The following DAB2IP variants were observed in gnomAD, a reference collection of about 807,000 sequenced individuals.
The protein encoded by DAB2IP is disabled homolog 2-interacting protein.
In DAB2IP, 28 loss-of-function variants were observed where a neutral mutation model predicts 107.2. The observed-to-expected ratio is 0.26, with a 90% CI of 0.19 to 0.36. DAB2IP has a LOEUF of 0.36. Among genes scored for constraint, DAB2IP ranks in the 10% least tolerant of loss-of-function variants. The probability of loss-of-function intolerance (pLI) is 1.00; values close to 1 mark genes in which losing one functional copy is unlikely to be tolerated. For synonymous variants in DAB2IP, 755 were observed against 706.4 expected, an observed-to-expected ratio of 1.07 and a Z score of -1.09; for missense variants, 1,400 against 1,644.7, an observed-to-expected ratio of 0.85 and a Z score of 2.57.
chr9:121,569,751 G>A (rs1829890322), intron 1 of DAB2IP, among the ~76,000 whole-genome samples: 1 of 152,226 alleles, frequency 6.6e-6, no homozygotes, highest in Non-Finnish European at 1.5e-5. Flanking sequence ...AACTCGGGAG[G>A]CAAAAGCTAC....
intron 1 of DAB2IP, among the ~76,000 whole-genome samples, chr9:121,601,894 G>A (rs948968432): frequency 6.6e-6 from 1 of 151,580 alleles, no homozygotes; most frequent in Non-Finnish European, 1.5e-5. Flanking sequence ...CTTTGTGTGT[G>A]TGTGTGTGTG....
chr9:121,723,476 A>G (rs1260160042), intron 3 of DAB2IP, among the ~76,000 whole-genome samples: 1 of 152,220 alleles, frequency 6.6e-6, no homozygotes, highest in African/African-American at 2.4e-5. Context: ...CCTGCTGCTC[A>G]GAACAAGGGA....
chr9:121,567,206 T>C (rs1411718113), exon 1 of DAB2IP: 13 of 1,614,044 alleles, frequency 8.1e-6, no homozygotes, highest in Non-Finnish European at 1.1e-5. Context: ...CCGACTCCCT[T>C]CTGGACCAAG....
intron 1 of DAB2IP, among the ~76,000 whole-genome samples, chr9:121,603,169 G>A (rs1259375515): frequency 6.6e-6 from 1 of 152,188 alleles, no homozygotes; most frequent in East Asian, 1.9e-4. Flanking sequence ...GAGCGGGGTG[G>A]TTCTGTTGTG....
intron 2 of DAB2IP, among the ~76,000 whole-genome samples, chr9:121,682,877 G>T (rs1384585450): frequency 6.6e-6 from 1 of 152,036 alleles, no homozygotes; most frequent in Non-Finnish European, 1.5e-5. Flanking sequence ...AGAGTTGGGG[G>T]GTAGGGGAGT....
chr9:121,755,533 CTCTGTGGGGTA>C (rs2118950129), intron 3 of DAB2IP, among the ~76,000 whole-genome samples: 1 of 152,322 alleles, frequency 6.6e-6, no homozygotes, highest in East Asian at 1.9e-4. Flanking sequence ...CTGGGCTGGC[CTCTGTGGGGTA>C]TCTAAGGGTT....
At chr9:121,614,688 A>T (rs1320186260) in intron 1 of DAB2IP, among the ~76,000 whole-genome samples, 1 of 146,284 alleles carries the variant, frequency 6.8e-6, no homozygotes, top group Admixed American at 6.8e-5. Context: ...AACATCCCCT[A>T]TTTGGTCTCT....
At chr9:121,658,094 C>T (rs750528767) in intron 1 of DAB2IP, among the ~76,000 whole-genome samples, 6 of 152,138 alleles carry the variant, frequency 3.9e-5, no homozygotes, top group South Asian at 2.1e-4. Flanking sequence ...GGGTCTTCTG[C>T]GGGGAGAGAA....
chr9:121,591,129 T>C (rs1830415248), intron 1 of DAB2IP, among the ~76,000 whole-genome samples: 1 of 152,074 alleles, frequency 6.6e-6, no homozygotes, highest in African/African-American at 2.4e-5. Flanking sequence ...GATCTGGAAG[T>C]TGGCTGGAGT....
intron 1 of DAB2IP, among the ~76,000 whole-genome samples, chr9:121,643,966 G>C (rs72764052): frequency 0.081 from 12,297 of 152,200 alleles, 696 homozygotes; most frequent in East Asian, 0.18. Context: ...CCAGGAGTTC[G>C]AGACCAGTCT....
intron 3 of DAB2IP, among the ~76,000 whole-genome samples, chr9:121,744,495 C>T (rs993223229): frequency 2.0e-5 from 3 of 152,156 alleles, no homozygotes; most frequent in Non-Finnish European, 2.9e-5. Context: ...CGGCTGGGGG[C>T]GGATGAGACT....
At chr9:121,678,540 A>T (rs1395938297) in intron 1 of DAB2IP, 138 bp from the exon 2 acceptor site, 2 of 599,806 alleles carry the variant, frequency 3.3e-6, no homozygotes, top group Admixed American at 4.3e-5. Flanking sequence ...AGGAACTGCC[A>T]GACTTTTCCA....
intron 3 of DAB2IP, among the ~76,000 whole-genome samples, chr9:121,721,217 C>T (rs777097896): frequency 1.2e-4 from 18 of 152,180 alleles, no homozygotes; most frequent in Non-Finnish European, 2.1e-4. Flanking sequence ...GATCTGGATG[C>T]AGCCTGAAGG....
At chr9:121,648,565 C>T (rs767506213), upstream of DAB2IP, among the ~76,000 whole-genome samples, 9 of 152,100 alleles carry the variant, frequency 5.9e-5, no homozygotes, top group Non-Finnish European at 1.2e-4. Context: ...CTGATTTAGC[C>T]AGTCCTAGTA....
At chr9:121,756,069 G>A (rs900857300) in intron 3 of DAB2IP, among the ~76,000 whole-genome samples, 2 of 152,174 alleles carry the variant, frequency 1.3e-5, no homozygotes, top group African/African-American at 4.8e-5. Flanking sequence ...CACCAGAGAT[G>A]GTCTTAGCAG....
chr9:121,689,322 A>T (rs1271383056), intron 2 of DAB2IP, among the ~76,000 whole-genome samples: 2 of 149,896 alleles, frequency 1.3e-5, no homozygotes, highest in East Asian at 3.9e-4. Flanking sequence ...ACTGACCTTG[A>T]CTCCACCCCA....
chr9:121,747,372 G>A (rs1188765969), intron 3 of DAB2IP, among the ~76,000 whole-genome samples: 1 of 144,096 alleles, frequency 6.9e-6, no homozygotes, highest in Non-Finnish European at 1.5e-5. Flanking sequence ...CCCTGAGACA[G>A]AGTCTCGCTC....
Position 121,713,510 on chromosome 9 carries a change from C to T in DAB2IP, c.362+14052C>T, listed in dbSNP as rs1284675226. On this transcript the variant is annotated intron_variant, in intron 3 of 15. Coordinates refer to ENST00000408936, the Ensembl canonical transcript of DAB2IP. Reference sequence around the variant, plus strand: ...GACTCTCACCCTTTTCCTTCTCCTGCCCTCTTGTTGTAGGGTGGGAATGTT... The same window carrying T: ...GACTCTCACCCTTTTCCTTCTCCTGTCCTCTTGTTGTAGGGTGGGAATGTT... Among the ~76,000 whole-genome samples, 3 of 152,198 alleles carry T rather than the reference C, an allele frequency of 2.0e-5. No individual in the cohort carries two copies. The East Asian group carries it at 5.8e-4, about 29-fold the overall frequency.
At chr9:121,730,576 C>T (rs1831472751) in intron 3 of DAB2IP, among the ~76,000 whole-genome samples, 3 of 152,230 alleles carry the variant, frequency 2.0e-5, no homozygotes, top group Admixed American at 1.3e-4. Flanking sequence ...GTGGTCAGCA[C>T]CTCCAGGGAC....
Sources: gnomAD v4.1 joint callset for allele counts (sites outside exome capture counted in the v4.1 genomes callset) on GRCh38, gnomAD v4.1.1 for gene constraint, MANE v1.5 for transcripts, NCBI Gene and HGNC (gene_info 2026-07-23, HGNC 2026-07-21) for gene names.